MYO1D: variants seen among roughly 807,000 people sequenced by gnomAD.
The protein encoded by MYO1D is myosin ID.
MYO1D carries 83 observed loss-of-function variants against 122.0 expected under a neutral mutation model. That is an observed-to-expected ratio of 0.68 (90% confidence interval 0.57 to 0.82). MYO1D has a LOEUF of 0.82. Ranked by LOEUF, MYO1D falls within the 40% of genes least tolerant of loss-of-function variation. The probability of loss-of-function intolerance (pLI) is 0.00; values close to 1 mark genes in which losing one functional copy is unlikely to be tolerated. For synonymous variants in MYO1D, 464 were observed against 446.9 expected (o/e 1.04, Z -0.48); for missense variants, 1,157 against 1,269.5 (o/e 0.91, Z 1.35).
At chr17:32,678,789 G>C in intron 16 of MYO1D, among the ~76,000 whole-genome samples, 1 of 150,226 alleles carries the variant, frequency 6.7e-6, no homozygotes. Context: ...TGGGATGGCT[G>C]GGTCAAATGG....
chr17:32,581,247 T>C (rs146595170), intron 21 of MYO1D, among the ~76,000 whole-genome samples: 4 of 152,336 alleles, frequency 2.6e-5, no homozygotes, highest in Non-Finnish European at 5.9e-5. Flanking sequence ...TCACATTCTT[T>C]TGTTACGCAG....
chr17:32,823,739 G>A (rs2090695910), intron 1 of MYO1D, among the ~76,000 whole-genome samples: 1 of 152,012 alleles, frequency 6.6e-6, no homozygotes. Context: ...ATAAAGCCAG[G>A]CAACACAAAC....
chr17:32,532,735 A>C (rs1227282031), intron 21 of MYO1D, among the ~76,000 whole-genome samples: 1 of 151,888 alleles, frequency 6.6e-6, no homozygotes, highest in Non-Finnish European at 1.5e-5. Flanking sequence ...AAAAAAAAAA[A>C]AAAAAAAACC....
chr17:32,503,444 A>G (rs1246714154), intron 21 of MYO1D, among the ~76,000 whole-genome samples: 1 of 152,202 alleles, frequency 6.6e-6, no homozygotes, highest in African/African-American at 2.4e-5. Context: ...TCCCTGTGAG[A>G]GTGGGGGTGA....
intron 16 of MYO1D, among the ~76,000 whole-genome samples, chr17:32,690,695 C>T (rs2089085258): frequency 1.3e-5 from 2 of 152,128 alleles, no homozygotes; most frequent in African/African-American, 4.8e-5. Context: ...CTTGCTCCTG[C>T]TCTTGCCATG....
intron 4 of MYO1D, among the ~76,000 whole-genome samples, chr17:32,773,531 C>T (rs1247181338): frequency 2.1e-5 from 3 of 140,170 alleles, no homozygotes; most frequent in Admixed American, 1.4e-4. Flanking sequence ...CCACTCCCTA[C>T]CCCCACCCCC....
chr17:32,842,967 C>T (rs529999656), intron 1 of MYO1D, among the ~76,000 whole-genome samples: 1 of 146,380 alleles, frequency 6.8e-6, no homozygotes, highest in South Asian at 2.2e-4. Flanking sequence ...CAGCTCACTG[C>T]AACCTCTGCC....
At chr17:32,598,131 T>C (rs554942644) in intron 21 of MYO1D, among the ~76,000 whole-genome samples, 1 of 152,266 alleles carries the variant, frequency 6.6e-6, no homozygotes, top group African/African-American at 2.4e-5. Context: ...CCCAGCACTT[T>C]GCGGGGCCAG....
intron 21 of MYO1D, among the ~76,000 whole-genome samples, chr17:32,522,821 T>TG (rs1455333072): frequency 7.3e-6 from 1 of 137,564 alleles, no homozygotes; most frequent in African/African-American, 2.7e-5. Flanking sequence ...CCCATGTCTT[T>TG]TTTTTTTTTT....
intron 21 of MYO1D, among the ~76,000 whole-genome samples, chr17:32,525,136 TTCAA>T: frequency 6.6e-6 from 1 of 152,376 alleles, no homozygotes; most frequent in South Asian, 2.1e-4. Flanking sequence ...CACCGTTAGC[TTCAA>T]TCATTCATAG....
Position 32,584,501 on chromosome 17 carries a change from CT to C in MYO1D, c.2864+20585del, listed in dbSNP as rs937941663. 7.3e-3 allele frequency among the ~76,000 whole-genome samples: 1,051 copies of C among 143,324 alleles called. 7 individuals are homozygous for C. Among genetic ancestry groups the C allele is most frequent in the African/African-American group, 0.019 (757 of 39,328 alleles). 94.0% of individuals were successfully genotyped at this position (143,324 alleles called of 152,430 possible). On this transcript the variant is annotated intron_variant, in intron 21 of 21. Transcript: ENST00000318217. ...ACTGTTGTGAAATAGATCTTCAGAA[CT>C]TTTTTTTTTTTTTCGAGCCAGGGTC... is the stretch of plus-strand genomic sequence containing the variant.
In MYO1D at chr17:32,569,292, T is replaced by C. The variant is rs74941121; in HGVS notation, c.2864+35795A>G. On this transcript the variant is annotated intron_variant, in intron 21 of 21. Transcript: ENST00000318217. ...TTTCACTTCCATTGTTAATTGGGGA[T>C]AGTATTGCTCTAGGCCAAGACACTA... is the stretch of plus-strand genomic sequence containing the variant. Among the ~76,000 whole-genome samples, 942 of 152,334 alleles carry C rather than the reference T, an allele frequency of 6.2e-3. 11 individuals are homozygous for C. The highest frequency in any genetic ancestry group is 0.037 in the East Asian group (194 of 5,192).
intron 15 of MYO1D, 115 bp downstream of exon 15, chr17:32,720,908 T>C: frequency 1.8e-6 from 2 of 1,112,518 alleles, no homozygotes; most frequent in Non-Finnish European, 2.4e-6. Flanking sequence ...TCCTCAGCTC[T>C]TTTGTTCACC....
intron 21 of MYO1D, among the ~76,000 whole-genome samples, chr17:32,557,280 G>A (rs1248307061): frequency 5.3e-5 from 8 of 151,764 alleles, no homozygotes; most frequent in Admixed American, 1.3e-4. Flanking sequence ...TACCACGCCC[G>A]GCTAATTTTT....
chr17:32,546,094 C>T (rs1014600733), intron 21 of MYO1D, among the ~76,000 whole-genome samples: 9 of 152,018 alleles, frequency 5.9e-5, no homozygotes, highest in South Asian at 2.1e-4. Flanking sequence ...CAGTCTGGGT[C>T]GCCTTCCCTT....
intron 16 of MYO1D, among the ~76,000 whole-genome samples, chr17:32,711,544 G>A (rs2089376121): frequency 6.6e-6 from 1 of 152,054 alleles, no homozygotes; most frequent in Non-Finnish European, 1.5e-5. Flanking sequence ...TACTCGGGAG[G>A]CTGAGGCAGG....
chr17:32,693,109 A>AT (rs2089124980), intron 16 of MYO1D, among the ~76,000 whole-genome samples: 2 of 152,234 alleles, frequency 1.3e-5, no homozygotes, highest in Non-Finnish European at 2.9e-5. Context: ...AGCAATTCTC[A>AT]TTAAATTGTT....
At chr17:32,678,254 C>CTT (rs67248492) in intron 16 of MYO1D, among the ~76,000 whole-genome samples, 93 of 149,158 alleles carry the variant, frequency 6.2e-4, no homozygotes, top group East Asian at 9.9e-4. Context: ...AAATATATTT[C>CTT]TTTTTTTTTT....
chr17:32,772,872 C>T (rs2090131561), intron 4 of MYO1D, 30 bp from the exon 5 acceptor site: 7 of 1,593,144 alleles, frequency 4.4e-6, no homozygotes, highest in Middle Eastern at 1.7e-4. Context: ...AATGGTTAAC[C>T]CGAAAATGTG....
Sources: allele counts gnomAD v4.1 joint callset (sites outside exome capture counted in the v4.1 genomes callset), GRCh38; gene constraint gnomAD v4.1.1; transcripts MANE v1.5; gene names NCBI Gene and HGNC (gene_info 2026-07-23, HGNC 2026-07-21).